The following TTC23L variants were observed in gnomAD, a reference collection of about 807,000 sequenced individuals.
The protein encoded by TTC23L is tetratricopeptide repeat protein 23-like.
A neutral mutation model predicts 48.1 loss-of-function variants in TTC23L; 42 were observed. The observed-to-expected ratio is 0.87, with a 90% CI of 0.68 to 1.13. The LOEUF (loss-of-function observed/expected upper bound fraction) is 1.13. Ranked by LOEUF, TTC23L falls within the 50% of genes most tolerant of loss-of-function variation. The pLI is 0.00. For synonymous variants in TTC23L, 159 were observed against 157.2 expected, an observed-to-expected ratio of 1.01 and a Z score of -0.09; for missense variants, 391 against 421.0, an observed-to-expected ratio of 0.93 and a Z score of 0.62.
intron 3 of TTC23L, among the ~76,000 whole-genome samples, chr5:34,848,363 C>A (rs542148681): frequency 1.3e-5 from 2 of 152,272 alleles, no homozygotes; most frequent in South Asian, 4.2e-4. Context: ...CATCTTTAAC[C>A]TTGCTAATAA....
chr5:34,864,548 A>G, exon 6 of TTC23L: 1 of 1,613,288 alleles, frequency 6.2e-7, no homozygotes, highest in Non-Finnish European at 8.5e-7. Flanking sequence ...ACGACCTAAC[A>G]CTTGCTTTGG....
chr5:34,869,350 G>A (rs966644937), intron 8 of TTC23L: 1 of 214,288 alleles, frequency 4.7e-6, no homozygotes, highest in African/African-American at 2.3e-5. Flanking sequence ...TGATAAATGG[G>A]TAGAGCTTTA....
chr5:34,894,919 A>G (rs1484833727), intron 9 of TTC23L, among the ~76,000 whole-genome samples: 1 of 148,150 alleles, frequency 6.7e-6, no homozygotes, highest in Non-Finnish European at 1.5e-5. Context: ...TGATGATGTT[A>G]ATGGTGATGA....
chr5:34,904,641 G>A, the TTC23L span, among the ~76,000 whole-genome samples: 2 of 151,392 alleles, frequency 1.3e-5, no homozygotes, highest in Admixed American at 6.6e-5. Flanking sequence ...GTTCAATGAC[G>A]TACTACCTGC....
chr5:34,919,155 A>C, the TTC23L span, among the ~76,000 whole-genome samples: 1 of 150,938 alleles, frequency 6.6e-6, no homozygotes, highest in Admixed American at 6.6e-5. Flanking sequence ...ACTTGCCTGC[A>C]GTCCCAGCTA....
rs188876641 is a variant in TTC23L at position 34,868,933 on chromosome 5, C to T, written c.869C>T (p.Thr290Ile). The change falls in exon 8 of 11, where the codon ACT becomes ATT. Residue 290 changes from threonine (T) to isoleucine (I), a missense_variant. Thr to Ile is a moderately conservative substitution (Grantham distance 89, BLOSUM62 -1). Coordinates refer to ENST00000505624, the Ensembl canonical transcript of TTC23L. Reference sequence around the variant, plus strand: ...CATTCTGTCTGTGTTTCTTTGTTCACTGAAGTCAGCCCCAAAACTGCAGAA... The same window carrying T: ...CATTCTGTCTGTGTTTCTTTGTTCATTGAAGTCAGCCCCAAAACTGCAGAA... The T allele has an allele frequency of 4.1e-5, 66 of 1,610,462 alleles. 1 individual carries two copies. In the Admixed American group the frequency reaches 6.0e-4, roughly 15 times the overall value.
the TTC23L span, chr5:34,913,609 C>T: frequency 7.3e-7 from 1 of 1,367,568 alleles, no homozygotes; most frequent in Non-Finnish European, 1.0e-6. Context: ...AAAATTGTTA[C>T]ATAAAAGAAT....
At chr5:34,923,451 T>C in the TTC23L span, 1 of 535,338 alleles carries the variant, frequency 1.9e-6, no homozygotes, top group South Asian at 2.3e-5. Context: ...CTAATTTTTG[T>C]AGTTTTAGTA....
chr5:34,912,371 G>A, the TTC23L span, among the ~76,000 whole-genome samples: 2 of 152,270 alleles, frequency 1.3e-5, no homozygotes, highest in East Asian at 3.9e-4. Flanking sequence ...AACCACTAGA[G>A]GGAAGGAGGA....
chr5:34,875,688 T>TC (rs1761785629), intron 8 of TTC23L, among the ~76,000 whole-genome samples: 1 of 152,186 alleles, frequency 6.6e-6, no homozygotes, highest in Non-Finnish European at 1.5e-5. Context: ...GTCAAGACAC[T>TC]CAGTATTAAT....
intron 3 of TTC23L, among the ~76,000 whole-genome samples, chr5:34,848,834 C>T (rs1279010425): frequency 2.6e-5 from 4 of 151,970 alleles, no homozygotes; most frequent in African/African-American, 9.7e-5. Flanking sequence ...TTATGCAGAG[C>T]CTTGGAAGCC....
the TTC23L span, chr5:34,908,824 T>C: frequency 1.6e-5 from 26 of 1,612,910 alleles, no homozygotes; most frequent in Middle Eastern, 2.2e-3. Flanking sequence ...ACAAAACATA[T>C]TTGTCCATCT....
intron 9 of TTC23L, among the ~76,000 whole-genome samples, chr5:34,892,241 A>G (rs1343403421): frequency 6.6e-6 from 1 of 152,112 alleles, no homozygotes; most frequent in Non-Finnish European, 1.5e-5. Flanking sequence ...CGTTGACTAC[A>G]CTCACTGGAC....
downstream of TTC23L, among the ~76,000 whole-genome samples, chr5:34,903,504 CAT>C (rs1006653344): frequency 6.6e-6 from 1 of 152,132 alleles, no homozygotes; most frequent in African/African-American, 2.4e-5. Flanking sequence ...CCATAGTTTA[CAT>C]GAGGGTTCAC....
chr5:34,875,443 G>A (rs114802928), intron 8 of TTC23L, among the ~76,000 whole-genome samples: 181 of 152,180 alleles, frequency 1.2e-3, no homozygotes, highest in African/African-American at 4.2e-3. Context: ...CTGATGTTTG[G>A]GGGTAGGAAG....
the TTC23L span, chr5:34,913,410 C>T: frequency 5.2e-6 from 5 of 953,944 alleles, no homozygotes; most frequent in Non-Finnish European, 7.6e-6. Flanking sequence ...AAATAACTTC[C>T]TGTATTTTTC....
At chr5:34,916,043 C>T in the TTC23L span, 1 of 945,140 alleles carries the variant, frequency 1.1e-6, no homozygotes, top group South Asian at 1.9e-5. Context: ...CCCGGCCAGA[C>T]TGGGCACGGA....
Position 34,877,675 on chromosome 5 carries a change from C to T in TTC23L, c.950-2506C>T, listed in dbSNP as rs139697215. Among the ~76,000 whole-genome samples the T allele has an allele frequency of 8.3e-3, 1,263 of 152,184 alleles. 12 individuals are homozygous for T. The highest frequency in any genetic ancestry group is 0.026 in the African/African-American group (1,070 of 41,510). ...CTGACTTCAGGTGATCCACCCACCTCGGCCTCCCAAAGTGCTGGGATAACA... is the reference window on the plus strand; with the variant it reads ...CTGACTTCAGGTGATCCACCCACCTTGGCCTCCCAAAGTGCTGGGATAACA... On this transcript the variant is annotated intron_variant, in intron 8 of 10. Transcript: ENST00000505624.
intron 2 of TTC23L, among the ~76,000 whole-genome samples, chr5:34,843,571 A>G (rs553605779): frequency 6.6e-6 from 1 of 152,346 alleles, no homozygotes; most frequent in South Asian, 2.1e-4. Context: ...TTTACTATCC[A>G]TAATTAGCAA....
Sources: gnomAD v4.1 joint callset for allele counts (sites outside exome capture counted in the v4.1 genomes callset) on GRCh38, gnomAD v4.1.1 for gene constraint, MANE v1.5 for transcripts, NCBI Gene and HGNC (gene_info 2026-07-23, HGNC 2026-07-21) for gene names.